The following ATP8A2 variants were observed in gnomAD, a reference collection of about 807,000 sequenced individuals.
ATP8A2 encodes the protein ATPase phospholipid transporting 8A2.
In ATP8A2, 100 loss-of-function variants were observed where a neutral mutation model predicts 165.6. The ratio of observed to expected loss-of-function variants is 0.60; its 90% CI spans 0.51 to 0.71. The LOEUF (loss-of-function observed/expected upper bound fraction) is 0.71, where lower values mean the gene tolerates loss of function less well. Among genes scored for constraint, ATP8A2 ranks in the 30% least tolerant of loss-of-function variants. The pLI is 0.00. For missense variants in ATP8A2, 1,227 were observed against 1,479.5 expected, an observed-to-expected ratio of 0.83 and a Z score of 2.80; for synonymous variants, 543 against 548.8, an observed-to-expected ratio of 0.99 and a Z score of 0.15.
chr13:25,385,057 G>A (rs2032991237), intron 1 of ATP8A2, among the ~76,000 whole-genome samples: 1 of 152,172 alleles, frequency 6.6e-6, no homozygotes, highest in African/African-American at 2.4e-5. Context: ...GTCTCCAAAG[G>A]GCTTTAGTTA....
chr13:25,684,191 G>A (rs1461838107), intron 24 of ATP8A2, among the ~76,000 whole-genome samples: 1 of 152,220 alleles, frequency 6.6e-6, no homozygotes, highest in Non-Finnish European at 1.5e-5. Context: ...AGCAGAGTGG[G>A]AAGTTTGTAT....
At chr13:25,443,095 A>G (rs2034976385) in intron 1 of ATP8A2, among the ~76,000 whole-genome samples, 1 of 152,152 alleles carries the variant, frequency 6.6e-6, no homozygotes, top group Admixed American at 6.6e-5. Flanking sequence ...TGCCTTTTGT[A>G]TCATATCTAA....
chr13:25,414,195 T>G (rs1183854822), intron 1 of ATP8A2, among the ~76,000 whole-genome samples: 166 of 121,228 alleles, frequency 1.4e-3, no homozygotes, highest in African/African-American at 4.7e-3. Flanking sequence ...TGTTTTTTTT[T>G]TTTTTTTTTT....
intron 2 of ATP8A2, among the ~76,000 whole-genome samples, chr13:25,523,154 A>G (rs1451707505): frequency 6.6e-6 from 1 of 151,560 alleles, no homozygotes; most frequent in African/African-American, 2.4e-5. Flanking sequence ...ATCTATGTTC[A>G]TCAGTGATAT....
Position 25,677,699 on chromosome 13 carries a change from C to G in ATP8A2, c.2212-21474C>G, listed in dbSNP as rs974572594. ...GAGAGAGATAGGTGGCCTGTATTCT[C>G]TGTTATAGTTTTCTATAGGGGACTG... On this transcript the variant is annotated intron_variant, in intron 24 of 36. Transcript: ENST00000381655. Among the ~76,000 whole-genome samples the G allele has an allele frequency of 1.5e-4, 23 of 152,224 alleles. No homozygotes were observed. The East Asian group carries it at 3.9e-3, about 26-fold the overall frequency.
At chr13:25,788,698 A>T (rs2045092937) in intron 27 of ATP8A2, among the ~76,000 whole-genome samples, 1 of 152,212 alleles carries the variant, frequency 6.6e-6, no homozygotes, top group Admixed American at 6.5e-5. Flanking sequence ...ACTATATATC[A>T]TTACCATAGA....
chr13:25,612,488 G>T (rs1169709667), intron 24 of ATP8A2, among the ~76,000 whole-genome samples: 1 of 152,034 alleles, frequency 6.6e-6, no homozygotes, highest in Non-Finnish European at 1.5e-5. Flanking sequence ...TTCCAGTGTG[G>T]CCTGAGAGAG....
chr13:25,821,397 T>C (rs1183414683), intron 27 of ATP8A2, among the ~76,000 whole-genome samples: 1 of 152,226 alleles, frequency 6.6e-6, no homozygotes, highest in African/African-American at 2.4e-5. Context: ...ATTCACTCAG[T>C]CTTTGAAATA....
intron 12 of ATP8A2, 132 bp from the exon 13 acceptor site, chr13:25,554,859 C>T: frequency 1.7e-6 from 1 of 573,292 alleles, no homozygotes; most frequent in Admixed American, 3.4e-5. Flanking sequence ...TGCGCCCAGC[C>T]AAAATCAGCA....
intron 1 of ATP8A2, among the ~76,000 whole-genome samples, chr13:25,410,909 C>T (rs1012613255): frequency 2.6e-5 from 4 of 152,210 alleles, no homozygotes; most frequent in Admixed American, 2.0e-4. Context: ...CTCCTTTAAC[C>T]ATTTTCCTTT....
chr13:25,454,839 T>C (rs1465148384), intron 1 of ATP8A2, among the ~76,000 whole-genome samples: 1 of 152,162 alleles, frequency 6.6e-6, no homozygotes, highest in Non-Finnish European at 1.5e-5. Flanking sequence ...GGAGAATCGC[T>C]TGAACCCAGG....
chr13:25,787,783 G>T lies in ATP8A2; in HGVS notation c.2679+12824G>T, dbSNP rs538140215. Among the ~76,000 whole-genome samples the T allele has an allele frequency of 1.2e-4, 19 of 152,320 alleles. 1 individual carries two copies. In the South Asian group the frequency reaches 3.1e-3, roughly 25 times the overall value. On this transcript the variant is annotated intron_variant, in intron 27 of 36. Transcript: ENST00000381655. ...TGGGGAGTCCTGGAAGTCCAGCTTTGGGGTCTGGGAACCAGGGAACCAGGG... is the reference window on the plus strand; with the variant it reads ...TGGGGAGTCCTGGAAGTCCAGCTTTTGGGTCTGGGAACCAGGGAACCAGGG...
Position 25,844,261 on chromosome 13 carries a change from C to T in ATP8A2, c.2956+4637C>T, listed in dbSNP as rs561066841. 3.7e-3 allele frequency among the ~76,000 whole-genome samples: 569 copies of T among 151,856 alleles called. 2 individuals are homozygous for T. Among genetic ancestry groups the T allele is most frequent in the Non-Finnish European group, 6.6e-3 (447 of 67,952 alleles). On this transcript the variant is annotated intron_variant, in intron 30 of 36. Coordinates refer to ENST00000381655, the MANE Select transcript of ATP8A2 (RefSeq NM_016529.6). Reference sequence around the variant, plus strand: ...CTTTTTTTTTTTTGAGACAGAGTCCCATTCTGTCTCCCAGGCTGGAGTGCA... The same window carrying T: ...CTTTTTTTTTTTTGAGACAGAGTCCTATTCTGTCTCCCAGGCTGGAGTGCA...
At chr13:25,511,449 A>G (rs1016373001) in intron 2 of ATP8A2, among the ~76,000 whole-genome samples, 1 of 152,174 alleles carries the variant, frequency 6.6e-6, no homozygotes, top group South Asian at 2.1e-4. Flanking sequence ...CTTGAGTTGT[A>G]TTCCCTGATA....
At chr13:25,862,463 TC>T in intron 33 of ATP8A2, 55 bp downstream of exon 33, 1 of 1,390,634 alleles carries the variant, frequency 7.2e-7, no homozygotes, top group Non-Finnish European at 1.0e-6. Context: ...GCAATGTTTC[TC>T]CATGGGCGGG....
chr13:25,450,822 C>G (rs1046550224), intron 1 of ATP8A2, among the ~76,000 whole-genome samples: 3 of 151,982 alleles, frequency 2.0e-5, no homozygotes, highest in Non-Finnish European at 4.4e-5. Flanking sequence ...TGAGCCACCG[C>G]GCCCAGCCCT....
intron 20 of ATP8A2, among the ~76,000 whole-genome samples, chr13:25,577,360 G>A (rs1371364452): frequency 1.3e-5 from 2 of 152,150 alleles, no homozygotes; most frequent in African/African-American, 2.4e-5. Flanking sequence ...TACTGAAATC[G>A]TTGGTTTCAG....
At chr13:25,686,441 G>T (rs1231699036) in intron 24 of ATP8A2, among the ~76,000 whole-genome samples, 2 of 152,114 alleles carry the variant, frequency 1.3e-5, no homozygotes, top group African/African-American at 4.8e-5. Flanking sequence ...CTCAGTGACA[G>T]TGACACTCAG....
At chr13:25,386,929 G>A (rs890349189) in intron 1 of ATP8A2, among the ~76,000 whole-genome samples, 7 of 147,752 alleles carry the variant, frequency 4.7e-5, no homozygotes, top group African/African-American at 1.5e-4. Context: ...CCCGGGAGGC[G>A]GAGCTTGCAG....
Sources: gnomAD v4.1 joint callset for allele counts (sites outside exome capture counted in the v4.1 genomes callset) on GRCh38, gnomAD v4.1.1 for gene constraint, MANE v1.5 for transcripts, NCBI Gene and HGNC (gene_info 2026-07-23, HGNC 2026-07-21) for gene names.